Variants in GALNT13 observed in about 807,000 individuals in gnomAD.
GALNT13 encodes the protein UDP-GalNAc:polypeptide N-acetylgalactosaminyltransferase 13.
A neutral mutation model predicts 64.2 loss-of-function variants in GALNT13; 28 were observed. The observed-to-expected ratio is 0.44, with a 90% CI of 0.32 to 0.60. GALNT13 has a LOEUF of 0.60. GALNT13 is among the 20% of genes least tolerant of loss of function. The pLI is 0.05. For missense variants in GALNT13, 577 were observed against 669.8 expected, an observed-to-expected ratio of 0.86 and a Z score of 1.53; for synonymous variants, 214 against 224.6, an observed-to-expected ratio of 0.95 and a Z score of 0.42.
At chr2:153,502,468 T>G in the GALNT13 span, among the ~76,000 whole-genome samples, 4 of 152,222 alleles carry the variant, frequency 2.6e-5, no homozygotes, top group Non-Finnish European at 4.4e-5. Context: ...ATATACCACA[T>G]TTTCTTTATC....
chr2:153,168,780 C>T, the GALNT13 span, among the ~76,000 whole-genome samples: 1 of 152,212 alleles, frequency 6.6e-6, no homozygotes, highest in East Asian at 1.9e-4. Context: ...TTATTAATTG[C>T]CACATGTGCT....
chr2:153,615,075 A>G, the GALNT13 span, among the ~76,000 whole-genome samples: 4 of 151,980 alleles, frequency 2.6e-5, no homozygotes, highest in African/African-American at 9.7e-5. Flanking sequence ...CTCTATCTCC[A>G]TGAGTTCAGT....
At chr2:153,760,425 G>C in the GALNT13 span, among the ~76,000 whole-genome samples, 1 of 151,458 alleles carries the variant, frequency 6.6e-6, no homozygotes, top group Admixed American at 6.6e-5. Flanking sequence ...CATAAGTTTT[G>C]GTATGTTGTG....
the GALNT13 span, among the ~76,000 whole-genome samples, chr2:153,365,941 C>T: frequency 2.0e-5 from 3 of 152,112 alleles, no homozygotes; most frequent in East Asian, 1.9e-4. Flanking sequence ...CACATGCACT[C>T]ATACGTTGAT....
chr2:153,523,041 C>CTGTTTTTTTTTT, the GALNT13 span, among the ~76,000 whole-genome samples: 3 of 74,774 alleles, frequency 4.0e-5, no homozygotes, highest in African/African-American at 2.3e-4. Context: ...TCTGTGTTTA[C>CTGTTTTTTTTTT]TATTTTTTTT....
chr2:154,362,956 A>C (rs1697158645), intron 9 of GALNT13, among the ~76,000 whole-genome samples: 1 of 152,164 alleles, frequency 6.6e-6, no homozygotes. Context: ...TTGTCAGTTT[A>C]TTTTTGAGTT....
At chr2:153,405,022 A>C in the GALNT13 span, among the ~76,000 whole-genome samples, 2 of 152,166 alleles carry the variant, frequency 1.3e-5, no homozygotes, top group Non-Finnish European at 2.9e-5. Context: ...CTTACATACT[A>C]CTGCTAGCCA....
chr2:154,318,619 G>A (rs1002144532), intron 9 of GALNT13, among the ~76,000 whole-genome samples: 2 of 151,928 alleles, frequency 1.3e-5, no homozygotes, highest in African/African-American at 4.8e-5. Flanking sequence ...CAGCTACTTG[G>A]GAAGCTGAGG....
chr2:153,482,329 C>CTT, the GALNT13 span, among the ~76,000 whole-genome samples: 1 of 152,118 alleles, frequency 6.6e-6, no homozygotes, highest in Non-Finnish European at 1.5e-5. Context: ...CATACACAGA[C>CTT]TTTCTAAGAG....
chr2:153,502,271 A>G, the GALNT13 span, among the ~76,000 whole-genome samples: 1 of 152,078 alleles, frequency 6.6e-6, no homozygotes, highest in African/African-American at 2.4e-5. Flanking sequence ...TCCAAAGTCC[A>G]TTGTATCATT....
the GALNT13 span, among the ~76,000 whole-genome samples, chr2:153,326,306 C>CTT: frequency 2.4e-4 from 32 of 130,892 alleles, no homozygotes; most frequent in African/African-American, 7.8e-4. Context: ...CAACTTTGGC[C>CTT]TTTTTTTTTT....
chr2:154,445,634 G>A (rs1574325565), intron 12 of GALNT13, among the ~76,000 whole-genome samples: 2 of 152,064 alleles, frequency 1.3e-5, no homozygotes, highest in African/African-American at 2.4e-5. Context: ...TGAATACAAT[G>A]TTATTTTTTC....
chr2:153,162,908 A>G, the GALNT13 span, among the ~76,000 whole-genome samples: 1 of 152,178 alleles, frequency 6.6e-6, no homozygotes, highest in Non-Finnish European at 1.5e-5. Context: ...CAGAAACACA[A>G]ATTAGAGCCA....
chr2:154,112,930 T>A (rs1212025407), intron 3 of GALNT13, among the ~76,000 whole-genome samples: 2 of 152,162 alleles, frequency 1.3e-5, no homozygotes, highest in Non-Finnish European at 2.9e-5. Context: ...CTCATGTAAC[T>A]TCCTTGTGCC....
chr2:153,336,563 G>T, the GALNT13 span, among the ~76,000 whole-genome samples: 1 of 152,100 alleles, frequency 6.6e-6, no homozygotes, highest in Non-Finnish European at 1.5e-5. Context: ...TGGAACTTCT[G>T]TATTTACCTA....
At chr2:153,655,587 G>A in the GALNT13 span, among the ~76,000 whole-genome samples, 1 of 152,048 alleles carries the variant, frequency 6.6e-6, no homozygotes, top group African/African-American at 2.4e-5. Context: ...CAAGAAGAAT[G>A]GTTCACATGA....
the GALNT13 span, among the ~76,000 whole-genome samples, chr2:153,851,974 T>C: frequency 1.3e-5 from 2 of 152,096 alleles, no homozygotes; most frequent in African/African-American, 4.8e-5. Flanking sequence ...ATAATATTAT[T>C]TGAAGGTGAG....
At chr2:154,193,475 G>A (rs13015501) in intron 4 of GALNT13, among the ~76,000 whole-genome samples, 28,051 of 152,062 alleles carry the variant, frequency 0.18, 3,510 homozygotes, top group Admixed American at 0.31. Context: ...CTGAAGAACC[G>A]TGACCATGAC....
rs1056834247 is a variant in GALNT13, at chr2:154,059,188, G to A, written c.143-81149G>A. ...TGAAGGAAAATATTTGTCTCCGTTC[G>A]CCTAACCTGCTGTTATTCATCACTG... On this transcript the variant is annotated intron_variant, in intron 3 of 12. Coordinates refer to ENST00000392825, the MANE Select transcript of GALNT13 (RefSeq NM_052917.4). Among the ~76,000 whole-genome samples the A allele has an allele frequency of 3.9e-5, 6 of 152,254 alleles. No individual in the cohort carries two copies. The East Asian group carries it at 7.7e-4, about 20-fold the overall frequency.
Sources: gnomAD v4.1 joint callset for allele counts (sites outside exome capture counted in the v4.1 genomes callset) on GRCh38, gnomAD v4.1.1 for gene constraint, MANE v1.5 for transcripts, NCBI Gene and HGNC (gene_info 2026-07-23, HGNC 2026-07-21) for gene names.